Variants in ZBTB7B observed in about 807,000 individuals in gnomAD.
ZBTB7B encodes the protein zinc finger and BTB domain containing 7B.
In ZBTB7B, 8 loss-of-function variants were observed where a neutral mutation model predicts 31.0. The observed-to-expected ratio is 0.26, with a 90% CI of 0.15 to 0.47. The LOEUF (loss-of-function observed/expected upper bound fraction) is 0.47, where lower values mean the gene tolerates loss of function less well. Among genes scored for constraint, ZBTB7B ranks in the 20% least tolerant of loss-of-function variants. The pLI is 0.99. For missense variants in ZBTB7B, 494 were observed against 742.4 expected, an observed-to-expected ratio of 0.67 and a Z score of 3.89; for synonymous variants, 261 against 307.3, an observed-to-expected ratio of 0.85 and a Z score of 1.58.
chr1:155,010,907 C>T (rs1363956317), intron 1 of ZBTB7B: 2 of 1,535,394 alleles, frequency 1.3e-6, no homozygotes, highest in Non-Finnish European at 1.7e-6. Flanking sequence ...TCTCCATCAT[C>T]CCTGGCAGGA....
At chr1:155,006,740 C>T (rs953048487) in intron 1 of ZBTB7B, among the ~76,000 whole-genome samples, 3 of 152,154 alleles carry the variant, frequency 2.0e-5, no homozygotes, top group Non-Finnish European at 1.5e-5. Flanking sequence ...TCCACCGTCC[C>T]CCCAACTCCT....
chr1:155,006,598 T>C (rs562052964), intron 1 of ZBTB7B, among the ~76,000 whole-genome samples: 1 of 152,322 alleles, frequency 6.6e-6, no homozygotes, highest in South Asian at 2.1e-4. Flanking sequence ...ACATCACTGA[T>C]CCTCTTCTTC....
chr1:155,010,485 G>A (rs1430659906), intron 1 of ZBTB7B: 2 of 167,038 alleles, frequency 1.2e-5, no homozygotes, highest in Non-Finnish European at 2.6e-5. Flanking sequence ...GGCTGGGGTG[G>A]GGAGAGAAGG....
rs61811895 is a variant in ZBTB7B, at chr1:155,003,661, G to T, written c.-7+718G>T. 0.11 allele frequency among the ~76,000 whole-genome samples: 17,183 copies of T among 152,150 alleles called. 1,334 individuals carry two copies. The highest frequency in any genetic ancestry group is 0.17 in the Non-Finnish European group (11,321 of 67,958). On this transcript the variant is annotated intron_variant, in intron 1 of 2. Transcript: ENST00000535420. This position sits in a 1 kb window ranked among gnomAD's most constrained non-coding sequence, Gnocchi z 5.8. ...CCACAGAACCCAAGAGCGAGGGCGG[G>T]TGACTAGGAAGAATTCTCCTACCTA...
At chr1:155,008,539 C>T (rs1005452492) in intron 1 of ZBTB7B, among the ~76,000 whole-genome samples, 1 of 152,122 alleles carries the variant, frequency 6.6e-6, no homozygotes, top group Non-Finnish European at 1.5e-5. Context: ...CAGCTGCCTC[C>T]GTCCCCTCCC....
intron 1 of ZBTB7B, among the ~76,000 whole-genome samples, chr1:155,011,720 G>T (rs1024525385): frequency 2.6e-5 from 4 of 152,230 alleles, no homozygotes; most frequent in African/African-American, 7.2e-5. Context: ...TGCCAGATTG[G>T]GTGGGGATGG....
chr1:155,018,261 A>G lies in ZBTB7B; in HGVS notation c.*1576A>G. ...TATCTATTTAAAAAGTGATGATGTA[A>G]TATATTGGGGTGGCGGGGAGATCGG... is the stretch of plus-strand genomic sequence containing the variant. On this transcript the variant is annotated 3_prime_UTR_variant, in exon 3 of 3. Coordinates refer to ENST00000535420, the MANE Select transcript of ZBTB7B (RefSeq NM_001256455.2). 2.2e-6 allele frequency: 1 copy of G among 447,736 alleles called. No individual in the cohort carries two copies. Among genetic ancestry groups the G allele is most frequent in the Non-Finnish European group, 4.1e-6 (1 of 246,148 alleles). 27.7% of individuals were successfully genotyped at this position (447,736 alleles called of 1,614,324 possible).
chr1:155,016,598 G>A lies in ZBTB7B; in HGVS notation c.1533G>A (p.Pro511=), dbSNP rs769070093. The A allele has an allele frequency of 2.9e-5, 47 of 1,613,150 alleles. No individual in the cohort carries two copies. Among genetic ancestry groups the A allele is most frequent in the East Asian group, 6.7e-5 (3 of 44,890 alleles). The change falls in exon 3 of 3, where the codon CCG becomes CCA. Residue 511 remains proline (P), a synonymous_variant. Coordinates refer to ENST00000535420, the MANE Select transcript of ZBTB7B (RefSeq NM_001256455.2). This position sits in a 1 kb window ranked among gnomAD's most constrained non-coding sequence, Gnocchi z 4.3. ...FWEQSAPTGP[P]VSTPGPPDDD... ...AGCAGTCAGCCCCCACTGGGCCCCCGGTCTCTACCCCAGGGCCCCCTGATG... is the reference window on the plus strand; with the variant it reads ...AGCAGTCAGCCCCCACTGGGCCCCCAGTCTCTACCCCAGGGCCCCCTGATG...
intron 1 of ZBTB7B, among the ~76,000 whole-genome samples, chr1:155,013,728 C>G (rs1031494936): frequency 6.8e-6 from 1 of 146,958 alleles, no homozygotes; most frequent in South Asian, 2.2e-4. Flanking sequence ...GGGACTGGAA[C>G]TTGGCCTATT....
intron 1 of ZBTB7B, among the ~76,000 whole-genome samples, chr1:155,008,035 C>T (rs1558085249): frequency 1.3e-5 from 2 of 152,144 alleles, no homozygotes; most frequent in African/African-American, 4.8e-5. Flanking sequence ...TGAGTTGCCC[C>T]TCAGGCCCAG....
Position 155,004,222 on chromosome 1 carries a change from G to A in ZBTB7B, c.-7+1279G>A, listed in dbSNP as rs937849085. 3.3e-5 allele frequency among the ~76,000 whole-genome samples: 5 copies of A among 152,150 alleles called. No individual in the cohort carries two copies. The highest frequency in any genetic ancestry group is 7.4e-5 in the Non-Finnish European group (5 of 68,012). On this transcript the variant is annotated intron_variant, in intron 1 of 2. Transcript: ENST00000535420. This position sits in a 1 kb window ranked among gnomAD's most constrained non-coding sequence, Gnocchi z 4.0. ...AGACCGGCAGGCTGTCCAGGCTTCC[G>A]GGCCAGGTGGAGGGTGTTCTTGAAT...
intron 1 of ZBTB7B, among the ~76,000 whole-genome samples, chr1:155,011,427 C>T (rs1571518648): frequency 6.6e-6 from 1 of 152,390 alleles, no homozygotes; most frequent in Middle Eastern, 3.4e-3. Context: ...TTACCCCCTC[C>T]CAACTTTCTC....
chr1:155,015,849 C>T lies in ZBTB7B; in HGVS notation c.1154+35C>T, dbSNP rs1659362486. The T allele has an allele frequency of 3.1e-6, 5 of 1,593,766 alleles. No individual in the cohort carries two copies. The East Asian group carries it at 1.1e-4, about 36-fold the overall frequency. On this transcript the variant is annotated intron_variant, in intron 2 of 2. Coordinates refer to ENST00000535420, the MANE Select transcript of ZBTB7B (RefSeq NM_001256455.2). ...AAGGGGGGAAGGGCCCGGCAGGGGC[C>T]ATGGGTAGGGGACAGGGTGGGAGGA...
At chr1:155,006,295 C>A (rs1291055219) in intron 1 of ZBTB7B, among the ~76,000 whole-genome samples, 1 of 152,182 alleles carries the variant, frequency 6.6e-6, no homozygotes, top group East Asian at 1.9e-4. Flanking sequence ...CTCCAGATGC[C>A]ATGGTTCTGC....
chr1:155,017,312 AG>A lies in ZBTB7B; in HGVS notation c.*632del, dbSNP rs917118383. ...GCGCTGAGTCATGGGGTCGTGGAGA[AG>A]GGGGCGGGGTGGCCTGATTGGCTCG... On this transcript the variant is annotated 3_prime_UTR_variant, in exon 3 of 3. Coordinates refer to ENST00000535420, the MANE Select transcript of ZBTB7B (RefSeq NM_001256455.2). 1.5e-5 allele frequency: 2 copies of A among 133,808 alleles called. No homozygotes were observed. Among genetic ancestry groups the A allele is most frequent in the African/African-American group, 5.3e-5 (2 of 37,938 alleles). The allele number at this position is 133,808 out of a possible 1,614,324, so 8.3% of individuals were successfully genotyped here. A position where few individuals can be genotyped will look rare whatever the true frequency, so the allele number is the denominator to read the frequency against.
In ZBTB7B at chr1:155,016,741, A is replaced by T. The variant is rs1659445872; in HGVS notation, c.*56A>T. ...AAGGCCGGGGACACCCATGCCAAGC[A>T]GTGGGAGCACGCAGGACAGACACAG... On this transcript the variant is annotated 3_prime_UTR_variant, in exon 3 of 3. Transcript: ENST00000535420. The surrounding 1 kb of genome is among the most constrained non-coding windows in gnomAD (Gnocchi z 4.3). 9.6e-7 allele frequency: 1 copy of T among 1,039,660 alleles called. No individual in the cohort carries two copies. The highest frequency in any genetic ancestry group is 2.8e-5 in the Admixed American group (1 of 35,246). The allele number at this position is 1,039,660 out of a possible 1,614,324, so 64.4% of individuals were successfully genotyped here.
In ZBTB7B at chr1:155,003,209, TCAGA is replaced by T. The variant is rs1235242187; in HGVS notation, c.-7+276_-7+279del. 6.6e-6 allele frequency among the ~76,000 whole-genome samples: 1 copy of T among 152,284 alleles called. No homozygotes were observed. The highest frequency in any genetic ancestry group is 1.9e-4 in the East Asian group (1 of 5,178). On this transcript the variant is annotated intron_variant, in intron 1 of 2. Transcript: ENST00000535420. This position sits in a 1 kb window ranked among gnomAD's most constrained non-coding sequence, Gnocchi z 5.8. ...AAGTTTATCTGCACTTCTCCTGGGA[TCAGA>T]CAGACAGACGGCTTCGGGATGGAGA...
intron 2 of ZBTB7B, 46 bp downstream of exon 2, chr1:155,015,860 G>A (rs765834259): frequency 5.1e-6 from 8 of 1,580,946 alleles, no homozygotes; most frequent in Non-Finnish European, 6.0e-6. Context: ...ATGGGTAGGG[G>A]ACAGGGTGGG....
rs1373066353 is a variant in ZBTB7B, at chr1:155,003,360, C to T, written c.-7+417C>T. Among the ~76,000 whole-genome samples, 1 of 151,010 alleles carries T rather than the reference C, an allele frequency of 6.6e-6. No homozygotes were observed. The highest frequency in any genetic ancestry group is 2.1e-4 in the South Asian group (1 of 4,808). ...GACTCTAACTAGGACAACGCGCACC[C>T]CCCCCCCACCCCGCGCCCCCTGGCG... is the stretch of plus-strand genomic sequence containing the variant. On this transcript the variant is annotated intron_variant, in intron 1 of 2. Transcript: ENST00000535420. The surrounding 1 kb of genome is among the most constrained non-coding windows in gnomAD (Gnocchi z 5.8).
Sources: allele counts gnomAD v4.1 joint callset (sites outside exome capture counted in the v4.1 genomes callset), GRCh38; gene constraint gnomAD v4.1.1; non-coding constraint Gnocchi (gnomAD v3.1); transcripts MANE v1.5; gene names NCBI Gene and HGNC (gene_info 2026-07-23, HGNC 2026-07-21).